The following ABCG1 variants were observed in gnomAD, a reference collection of about 807,000 sequenced individuals.
The protein encoded by ABCG1 is ATP binding cassette subfamily G member 1.
ABCG1 carries 29 observed loss-of-function variants against 69.2 expected under a neutral mutation model. That is an observed-to-expected ratio of 0.42 (90% CI 0.31 to 0.57). The LOEUF (loss-of-function observed/expected upper bound fraction) is 0.57, where lower values mean the gene tolerates loss of function less well. Ranked by LOEUF, ABCG1 falls within the 20% of genes least tolerant of loss-of-function variation. The pLI is 0.15. For missense variants in ABCG1, 718 were observed against 898.1 expected, an observed-to-expected ratio of 0.80 and a Z score of 2.56; for synonymous variants, 370 against 374.8, an observed-to-expected ratio of 0.99 and a Z score of 0.15.
rs1488891675 is a variant in ABCG1, at chr21:42,296,380, G to A, written c.1989G>A (p.Arg663=). Residue 663 remains arginine (R), a synonymous_variant, in exon 15 of 15, where the codon CGG becomes CGA. Transcript: ENST00000398449. This position sits in a 1 kb window ranked among gnomAD's most constrained non-coding sequence, Gnocchi z 5.4. ...IAYFVLRYKI[R]AER ...ATTTTGTCCTCAGGTACAAAATCCG[G>A]GCAGAGAGGTAAAACACCTGAATGC... 1 of 1,613,592 alleles carries A rather than the reference G, an allele frequency of 6.2e-7. No homozygotes were observed. Among genetic ancestry groups the A allele is most frequent in the South Asian group, 1.1e-5 (1 of 91,062 alleles).
intron 2 of ABCG1, among the ~76,000 whole-genome samples, chr21:42,258,355 A>C (rs1056408572): frequency 1.6e-5 from 2 of 127,056 alleles, no homozygotes; most frequent in Admixed American, 8.1e-5. Flanking sequence ...CCCTCCCTCT[A>C]TTCCTCCCTC....
chr21:42,289,831 T>A (rs1333742346), intron 10 of ABCG1, among the ~76,000 whole-genome samples: 1 of 152,174 alleles, frequency 6.6e-6, no homozygotes, highest in Admixed American at 6.5e-5. Context: ...TGTGCATATA[T>A]GTGTGTGAGC....
chr21:42,248,299 A>G (rs1012327695), intron 2 of ABCG1, among the ~76,000 whole-genome samples: 2 of 152,138 alleles, frequency 1.3e-5, no homozygotes, highest in Non-Finnish European at 1.5e-5. Flanking sequence ...GAGAGTGGAG[A>G]TGTGTCTGTT....
chr21:42,269,249 C>T (rs908195871), intron 2 of ABCG1, among the ~76,000 whole-genome samples: 7 of 152,160 alleles, frequency 4.6e-5, no homozygotes, highest in Non-Finnish European at 1.0e-4. Flanking sequence ...GGGGATATCG[C>T]GTGGGTCCCC....
chr21:42,289,645 G>C (rs960928302), intron 10 of ABCG1, among the ~76,000 whole-genome samples: 1 of 152,198 alleles, frequency 6.6e-6, no homozygotes, highest in African/African-American at 2.4e-5. Context: ...GAAAGACAGA[G>C]GGGCTCACCG....
chr21:42,281,388 A>G (rs767227255), intron 5 of ABCG1, among the ~76,000 whole-genome samples: 43 of 152,182 alleles, frequency 2.8e-4, no homozygotes, highest in Non-Finnish European at 5.3e-4. Flanking sequence ...TGCTTCTGAG[A>G]TGATGCTGGG....
intron 2 of ABCG1, among the ~76,000 whole-genome samples, chr21:42,208,394 A>C (rs573873344): frequency 3.5e-4 from 54 of 152,192 alleles, no homozygotes; most frequent in African/African-American, 1.3e-3. Flanking sequence ...TATCTTCTAG[A>C]GTCTCCTTAT....
chr21:42,282,187 G>T, intron 5 of ABCG1, 87 bp from the exon 6 acceptor site: 1 of 1,533,546 alleles, frequency 6.5e-7, no homozygotes, highest in Non-Finnish European at 8.8e-7. Context: ...CAGGCTGAGG[G>T]CGGCTGGCAG....
chr21:42,223,001 TC>T (rs1403144577), intron 1 of ABCG1, among the ~76,000 whole-genome samples: 1 of 152,086 alleles, frequency 6.6e-6, no homozygotes, highest in African/African-American at 2.4e-5. Context: ...GCAGTTCTGG[TC>T]CTGTTATTCC....
chr21:42,211,146 G>C (rs1395209046), upstream of ABCG1, among the ~76,000 whole-genome samples: 1 of 152,000 alleles, frequency 6.6e-6, no homozygotes, highest in African/African-American at 2.4e-5. Flanking sequence ...TTTTAGTAGA[G>C]ACAGGGTTTC....
intron 5 of ABCG1, among the ~76,000 whole-genome samples, chr21:42,278,293 C>T (rs114667745): frequency 4.1e-4 from 63 of 152,216 alleles, no homozygotes; most frequent in African/African-American, 1.4e-3. Context: ...GACACCCCCC[C>T]ACAACACACA....
chr21:42,234,139 C>T (rs539940049), intron 2 of ABCG1, among the ~76,000 whole-genome samples: 7 of 152,224 alleles, frequency 4.6e-5, no homozygotes, highest in Non-Finnish European at 7.4e-5. Flanking sequence ...ATGGGACACA[C>T]ATCAGTATGG....
intron 2 of ABCG1, among the ~76,000 whole-genome samples, chr21:42,204,425 T>C (rs1290319402): frequency 6.6e-6 from 1 of 152,252 alleles, no homozygotes; most frequent in Admixed American, 6.5e-5. Context: ...ATTCCGATTT[T>C]TCTGAGTGTT....
chr21:42,281,155 G>T (rs552232055), intron 5 of ABCG1, among the ~76,000 whole-genome samples: 1 of 152,236 alleles, frequency 6.6e-6, no homozygotes, highest in Admixed American at 6.5e-5. Context: ...CAGAAGCTCA[G>T]AGTGGAAATT....
chr21:42,222,124 T>G (rs557946768), intron 1 of ABCG1, among the ~76,000 whole-genome samples: 2 of 152,080 alleles, frequency 1.3e-5, no homozygotes, highest in Non-Finnish European at 2.9e-5. Context: ...TCAAAGACAA[T>G]GCTTCAGTAG....
exon 2 of ABCG1, chr21:42,201,716 G>T: frequency 6.2e-7 from 1 of 1,614,022 alleles, no homozygotes; most frequent in Admixed American, 1.7e-5. Context: ...AGAAAGCCCT[G>T]CCCTCAGGTG....
rs780687805 is a variant in ABCG1 at position 42,271,033 on chromosome 21, A to G, written c.287-37A>G. ...TGCATATTTACTGCATTAGAGATAA[A>G]ATGAAATGAATATGAATATGATCTG... On this transcript the variant is annotated intron_variant, in intron 2 of 14. Transcript: ENST00000398449. The G allele has an allele frequency of 2.9e-6, 4 of 1,358,044 alleles. No homozygotes were observed. The East Asian group carries it at 8.3e-5, about 28-fold the overall frequency. 84.1% of individuals were successfully genotyped at this position (1,358,044 alleles called of 1,614,324 possible).
In ABCG1 at chr21:42,259,957, T is replaced by A. The variant is rs946857318; in HGVS notation, c.287-11113T>A. On this transcript the variant is annotated intron_variant, in intron 2 of 14. Transcript: ENST00000398449. Reference sequence around the variant, plus strand: ...CTGTGGGTTGGACGGTGGTGTTGGCTTGCTCTTCCCCTTCCCTCCTGGTTT... The same window carrying A: ...CTGTGGGTTGGACGGTGGTGTTGGCATGCTCTTCCCCTTCCCTCCTGGTTT... 8.7e-6 allele frequency: 13 copies of A among 1,489,350 alleles called. No homozygotes were observed. In the Admixed American group the frequency reaches 2.8e-4, roughly 32 times the overall value. 92.3% of individuals were successfully genotyped at this position (1,489,350 alleles called of 1,614,324 possible).
chr21:42,227,902 C>T (rs192146168), intron 2 of ABCG1, among the ~76,000 whole-genome samples: 1 of 152,228 alleles, frequency 6.6e-6, no homozygotes, highest in Non-Finnish European at 1.5e-5. Flanking sequence ...CTCATGAGAA[C>T]TCCCTCACTA....
Sources: gnomAD v4.1 joint callset for allele counts (sites outside exome capture counted in the v4.1 genomes callset) on GRCh38, gnomAD v4.1.1 for gene constraint, Gnocchi (gnomAD v3.1) non-coding constraint, MANE v1.5 for transcripts, NCBI Gene and HGNC (gene_info 2026-07-23, HGNC 2026-07-21) for gene names.